Variants in DCC observed in about 807,000 individuals in gnomAD.
The protein encoded by DCC is netrin receptor DCC.
A neutral mutation model predicts 172.5 loss-of-function variants in DCC; 58 were observed. The observed-to-expected ratio is 0.34, with a 90% CI of 0.27 to 0.42. DCC has a LOEUF of 0.42. DCC is among the 10% of genes least tolerant of loss of function. The probability of loss-of-function intolerance (pLI) is 1.00; values close to 1 mark genes in which losing one functional copy is unlikely to be tolerated. For synonymous variants in DCC, 709 were observed against 644.5 expected (o/e 1.10, Z -1.52); for missense variants, 1,740 against 1,791.0 (o/e 0.97, Z 0.51).
intron 7 of DCC, among the ~76,000 whole-genome samples, chr18:53,107,535 A>G (rs200571727): frequency 0.012 from 1,121 of 95,568 alleles, 5 homozygotes; most frequent in Non-Finnish European, 0.016. Context: ...AAAAAAAAAA[A>G]GGAAGGAAAA....
At chr18:53,109,992 G>C (rs2043307163) in intron 7 of DCC, among the ~76,000 whole-genome samples, 1 of 151,226 alleles carries the variant, frequency 6.6e-6, no homozygotes, top group Non-Finnish European at 1.5e-5. Context: ...GTAAACTATT[G>C]AAAATGATGA....
intron 26 of DCC, among the ~76,000 whole-genome samples, chr18:53,496,004 G>A (rs2046018789): frequency 6.6e-6 from 1 of 152,172 alleles, no homozygotes; most frequent in Non-Finnish European, 1.5e-5. Context: ...AGAGCACCTG[G>A]GGGAAGGGGC....
chr18:52,666,099 C>T (rs770041274), intron 1 of DCC, among the ~76,000 whole-genome samples: 2 of 151,974 alleles, frequency 1.3e-5, no homozygotes, highest in Non-Finnish European at 2.9e-5. Flanking sequence ...CCAGCCTGGC[C>T]AACACGGTGA....
intron 25 of DCC, among the ~76,000 whole-genome samples, chr18:53,474,191 A>C (rs1446256608): frequency 6.6e-6 from 1 of 152,202 alleles, no homozygotes; most frequent in Non-Finnish European, 1.5e-5. Flanking sequence ...ACAGGTGCAT[A>C]TAAGAATGTG....
chr18:53,099,943 C>CTTTCTTTTTTTTTTTTTTTTTT (rs2043143038), intron 7 of DCC, among the ~76,000 whole-genome samples: 1 of 92,756 alleles, frequency 1.1e-5, no homozygotes, highest in African/African-American at 5.0e-5. Context: ...TTCTTTCTTT[C>CTTTCTTTTTTTTTTTTTTTTTT]TTTTTTTTTT....
intron 2 of DCC, among the ~76,000 whole-genome samples, chr18:52,820,716 G>C (rs2038390249): frequency 6.6e-6 from 1 of 152,162 alleles, no homozygotes; most frequent in South Asian, 2.1e-4. Flanking sequence ...ATAGAGAAGA[G>C]AGGTGATACA....
At chr18:52,891,323 G>A (rs2145421677) in intron 2 of DCC, among the ~76,000 whole-genome samples, 1 of 152,148 alleles carries the variant, frequency 6.6e-6, no homozygotes, top group Admixed American at 6.6e-5. Flanking sequence ...TGCTTCAGTA[G>A]CTTCAGTGTC....
intron 1 of DCC, among the ~76,000 whole-genome samples, chr18:52,388,121 C>T (rs1027160020): frequency 6.6e-6 from 1 of 151,964 alleles, no homozygotes; most frequent in Non-Finnish European, 1.5e-5. Flanking sequence ...ATCTGTGGAC[C>T]CAGTGGCGAG....
chr18:53,190,673 G>T (rs367590759), intron 9 of DCC, among the ~76,000 whole-genome samples: 2 of 152,124 alleles, frequency 1.3e-5, no homozygotes, highest in African/African-American at 4.8e-5. Flanking sequence ...TCAGCAGGGC[G>T]TAGTGGTTCA....
intron 5 of DCC, among the ~76,000 whole-genome samples, chr18:53,030,003 A>G (rs541152206): frequency 2.5e-4 from 38 of 152,220 alleles, no homozygotes; most frequent in Non-Finnish European, 4.6e-4. Flanking sequence ...CCGTCTTCTC[A>G]GAGCAGAAGA....
intron 1 of DCC, among the ~76,000 whole-genome samples, chr18:52,534,389 C>T (rs564199165): frequency 7.5e-4 from 114 of 152,186 alleles, no homozygotes; most frequent in Admixed American, 1.4e-3. Flanking sequence ...TTTAATACCT[C>T]CATTTCCCTA....
In DCC at chr18:53,217,927, C is replaced by G. The variant is rs564744246; in HGVS notation, c.1911+2330C>G. Among the ~76,000 whole-genome samples the G allele has an allele frequency of 5.9e-5, 9 of 152,144 alleles. No individual in the cohort carries two copies. In the East Asian group the frequency reaches 1.2e-3, roughly 20 times the overall value. On this transcript the variant is annotated intron_variant, in intron 12 of 28. Transcript: ENST00000442544. ...TGACACAACCATGACTTACTGCAAT[C>G]TTGGACTCTTAGGCTCAAGTGATCC...
intron 1 of DCC, among the ~76,000 whole-genome samples, chr18:52,521,574 G>C (rs1330962526): frequency 6.6e-6 from 1 of 152,020 alleles, no homozygotes. Context: ...ATATATTCGT[G>C]GCAGGGTGGG....
chr18:52,787,047 G>C (rs2037673645), intron 2 of DCC, among the ~76,000 whole-genome samples: 1 of 152,096 alleles, frequency 6.6e-6, no homozygotes. Flanking sequence ...TCCAAATTTT[G>C]TTCACAGAAG....
rs928631301 is a variant in DCC, at chr18:53,317,185, G to A, written c.2054-4862G>A. The stretch of plus-strand genomic sequence containing the variant: ...TTGGATTTTATCAAAGGCCTTTTCT[G>A]CATCTATGGAGGTAATCATGTAGGT... On this transcript the variant is annotated intron_variant, in intron 13 of 28. Coordinates refer to ENST00000442544, the MANE Select transcript of DCC (RefSeq NM_005215.4). Among the ~76,000 whole-genome samples the A allele has an allele frequency of 7.2e-5, 11 of 152,260 alleles. 1 individual carries two copies. In the South Asian group the frequency reaches 2.3e-3, roughly 32 times the overall value.
chr18:53,028,529 T>A (rs971030543), intron 5 of DCC, among the ~76,000 whole-genome samples: 4 of 152,214 alleles, frequency 2.6e-5, no homozygotes, highest in Non-Finnish European at 5.9e-5. Context: ...TCAGCCATAT[T>A]AGGTAGTTGT....
chr18:52,801,651 C>T (rs767467487), intron 2 of DCC, among the ~76,000 whole-genome samples: 4 of 152,174 alleles, frequency 2.6e-5, no homozygotes, highest in Non-Finnish European at 5.9e-5. Context: ...TTGAATCTTA[C>T]AGAAGGGAAA....
intron 1 of DCC, among the ~76,000 whole-genome samples, chr18:52,643,264 TCAAGCTGTTGAC>T (rs201491820): frequency 0.017 from 2,530 of 152,326 alleles, 44 homozygotes; most frequent in Middle Eastern, 0.051. Context: ...TGCCACATTT[TCAAGCTGTTGAC>T]CTAGTTTCCA....
At chr18:52,417,232 C>G (rs955586232) in intron 1 of DCC, among the ~76,000 whole-genome samples, 1 of 152,178 alleles carries the variant, frequency 6.6e-6, no homozygotes, top group South Asian at 2.1e-4. Context: ...GAGTTTCTGC[C>G]GAGAGATCCG....
Sources: gnomAD v4.1 joint callset for allele counts (sites outside exome capture counted in the v4.1 genomes callset) on GRCh38, gnomAD v4.1.1 for gene constraint, MANE v1.5 for transcripts, NCBI Gene and HGNC (gene_info 2026-07-23, HGNC 2026-07-21) for gene names.